RPH3AL: variants seen among roughly 807,000 people sequenced by gnomAD.
RPH3AL encodes the protein rab effector Noc2.
In RPH3AL, 38 loss-of-function variants were observed where a neutral mutation model predicts 43.1. That is an observed-to-expected ratio of 0.88 (90% CI 0.68 to 1.15). The LOEUF (loss-of-function observed/expected upper bound fraction) is 1.15. Among genes scored for constraint, RPH3AL ranks in the 50% most tolerant of loss-of-function variants. RPH3AL has a pLI of 0.00. For missense variants in RPH3AL, 462 were observed against 423.2 expected, an observed-to-expected ratio of 1.09 and a Z score of -0.81; for synonymous variants, 189 against 176.3, an observed-to-expected ratio of 1.07 and a Z score of -0.57.
chr17:349,618 T>C (rs1392576578), intron 1 of RPH3AL, among the ~76,000 whole-genome samples: 1 of 151,948 alleles, frequency 6.6e-6, no homozygotes. Context: ...GGCCAGGAGT[T>C]CGAGACCAAC....
intron 8 of RPH3AL, among the ~76,000 whole-genome samples, chr17:218,013 C>T (rs2040850872): frequency 1.5e-5 from 2 of 130,966 alleles, no homozygotes; most frequent in Admixed American, 7.5e-5. Flanking sequence ...TATTACAGAG[C>T]CCTTCTTCTG....
In RPH3AL at chr17:247,204, C is replaced by T; in HGVS notation, c.520G>A (p.Asp174Asn). Residue 174 changes from aspartate (D) to asparagine (N), a missense_variant, in exon 7 of 10, where the codon GAC becomes AAC. By Grantham distance (23) the Asp-to-Asn change is conservative. Transcript: ENST00000331302. ...LPLKTPGRADDPHFRPLPTEP... is the reference protein window; with the variant it reads ...LPLKTPGRADNPHFRPLPTEP... ...GTGGGCAAAGGTCGGAAGTGGGGGTCATCAGCTCGGCCAGGGGTCTTCAGG... is the reference window on the plus strand; with the variant it reads ...GTGGGCAAAGGTCGGAAGTGGGGGTTATCAGCTCGGCCAGGGGTCTTCAGG... 1 of 1,613,936 alleles carries T rather than the reference C, an allele frequency of 6.2e-7. No individual in the cohort carries two copies. Among genetic ancestry groups the T allele is most frequent in the Non-Finnish European group, 8.5e-7 (1 of 1,179,920 alleles).
intron 7 of RPH3AL, among the ~76,000 whole-genome samples, chr17:234,752 C>A (rs2041322577): frequency 6.6e-6 from 1 of 152,170 alleles, no homozygotes; most frequent in Non-Finnish European, 1.5e-5. Flanking sequence ...GTATATGTGA[C>A]AGAAATGGCA....
intron 2 of RPH3AL, chr17:332,557 C>T (rs2044808691): frequency 5.8e-6 from 1 of 172,602 alleles, no homozygotes; most frequent in Admixed American, 5.4e-5. Flanking sequence ...CCATTTAATT[C>T]AACTGTATTT....
chr17:283,950 A>G lies in RPH3AL; in HGVS notation c.352-2096T>C, dbSNP rs2042843310. 6.6e-6 allele frequency among the ~76,000 whole-genome samples: 1 copy of G among 152,162 alleles called. No individual in the cohort carries two copies. Among genetic ancestry groups the G allele is most frequent in the Admixed American group, 6.5e-5 (1 of 15,282 alleles). On this transcript the variant is annotated intron_variant, in intron 5 of 9. Transcript: ENST00000331302. The surrounding 1 kb of genome is among the most constrained non-coding windows in gnomAD (Gnocchi z 4.2). Reference sequence around the variant, plus strand: ...GGCCTCTCCTCTCTGGGTAAAGGGGAGAGGAAGCACTGATGCTACTTAGCT... The same window carrying G: ...GGCCTCTCCTCTCTGGGTAAAGGGGGGAGGAAGCACTGATGCTACTTAGCT...
At position 245,159 on chromosome 17, in the gene RPH3AL, A is replaced by G. The variant is rs2041721729; in HGVS notation, c.613+1952T>C. 7.1e-6 allele frequency among the ~76,000 whole-genome samples: 1 copy of G among 140,538 alleles called. No individual in the cohort carries two copies. The highest frequency in any genetic ancestry group is 2.7e-5 in the African/African-American group (1 of 37,154). The allele number at this position is 140,538 out of a possible 152,430, so 92.2% of individuals were successfully genotyped here. On this transcript the variant is annotated intron_variant, in intron 7 of 9. Coordinates refer to ENST00000331302, the MANE Select transcript of RPH3AL (RefSeq NM_006987.4). The surrounding 1 kb of genome is among the most constrained non-coding windows in gnomAD (Gnocchi z 5.9). ...TGTCCATGTGGATGTGTGTGTGCACATGGATGTGTCTGTGTGTACGTGGAT... is the reference window on the plus strand; with the variant it reads ...TGTCCATGTGGATGTGTGTGTGCACGTGGATGTGTCTGTGTGTACGTGGAT...
At chr17:253,037 G>A (rs77050237) in intron 6 of RPH3AL, among the ~76,000 whole-genome samples, 3,696 of 152,304 alleles carry the variant, frequency 0.024, 82 homozygotes, top group South Asian at 0.11. Flanking sequence ...TGTTTTTGGG[G>A]TGGGGACCTC....
chr17:241,721 C>CT (rs58397357), intron 7 of RPH3AL, among the ~76,000 whole-genome samples: 63,903 of 133,872 alleles, frequency 0.48, 15,644 homozygotes, highest in East Asian at 0.65. Context: ...CTTTTTTTTT[C>CT]TTTTTTTTTT....
chr17:311,617 G>A (rs1443909538), intron 5 of RPH3AL, among the ~76,000 whole-genome samples: 1 of 152,200 alleles, frequency 6.6e-6, no homozygotes, highest in African/African-American at 2.4e-5. Flanking sequence ...CCCCAACCCA[G>A]GATTGGCTCA....
chr17:322,538 C>G lies in RPH3AL; in HGVS notation c.78-1123G>C, dbSNP rs939689724. On this transcript the variant is annotated intron_variant, in intron 3 of 9. Coordinates refer to ENST00000331302, the MANE Select transcript of RPH3AL (RefSeq NM_006987.4). This position sits in a 1 kb window ranked among gnomAD's most constrained non-coding sequence, Gnocchi z 4.0. Reference sequence around the variant, plus strand: ...CCTCTTAGGTGCCCGGGACAGGCTGCTTGGTGGGACGTGCAGGTGGGGTCA... The same window carrying G: ...CCTCTTAGGTGCCCGGGACAGGCTGGTTGGTGGGACGTGCAGGTGGGGTCA... 6.6e-6 allele frequency: 1 copy of G among 152,168 alleles called. No homozygotes were observed. The highest frequency in any genetic ancestry group is 1.5e-5 in the Non-Finnish European group (1 of 68,058). The allele number at this position is 152,168 out of a possible 1,614,324, so 9.4% of individuals were successfully genotyped here.
At chr17:342,512 T>A (rs2045145680) in intron 1 of RPH3AL, among the ~76,000 whole-genome samples, 1 of 152,208 alleles carries the variant, frequency 6.6e-6, no homozygotes, top group Non-Finnish European at 1.5e-5. Flanking sequence ...CACAAAAGGA[T>A]ATTATTTGGC....
chr17:262,381 A>C (rs1431542904), intron 6 of RPH3AL, among the ~76,000 whole-genome samples: 1 of 152,004 alleles, frequency 6.6e-6, no homozygotes, highest in Non-Finnish European at 1.5e-5. Context: ...AGGCCCGGCT[A>C]ATTTTTGTAT....
intron 6 of RPH3AL, chr17:261,673 A>G (rs2042197267): frequency 6.6e-6 from 1 of 152,238 alleles, no homozygotes; most frequent in East Asian, 1.9e-4. Flanking sequence ...TATCAGCCAA[A>G]CTATCAACAC....
rs536654094 is a variant in RPH3AL, at chr17:283,343, G to C, written c.352-1489C>G. 6.6e-6 allele frequency among the ~76,000 whole-genome samples: 1 copy of C among 152,164 alleles called. No individual in the cohort carries two copies. On this transcript the variant is annotated intron_variant, in intron 5 of 9. Coordinates refer to ENST00000331302, the MANE Select transcript of RPH3AL (RefSeq NM_006987.4). The surrounding 1 kb of genome is among the most constrained non-coding windows in gnomAD (Gnocchi z 4.2). ...TCGGGTGGCCGAGCTCAGTGCCCCT[G>C]GGGTGGGGGAGCAAACTCACGGGGG... is the stretch of plus-strand genomic sequence containing the variant.
intron 7 of RPH3AL, among the ~76,000 whole-genome samples, chr17:221,900 TC>T (rs2040993980): frequency 1.0e-5 from 1 of 99,820 alleles, no homozygotes; most frequent in Admixed American, 9.6e-5. Context: ...GCACATCAGC[TC>T]TGAGGCCTCC....
At chr17:252,455 T>G (rs1402774119) in intron 6 of RPH3AL, among the ~76,000 whole-genome samples, 3 of 152,164 alleles carry the variant, frequency 2.0e-5, no homozygotes, top group African/African-American at 7.2e-5. Flanking sequence ...TTTTGTTTTT[T>G]TGAAAACTAG....
chr17:309,347 A>AG, intron 5 of RPH3AL, among the ~76,000 whole-genome samples: 1 of 152,136 alleles, frequency 6.6e-6, no homozygotes, highest in Non-Finnish European at 1.5e-5. Context: ...CTCGAGTCCC[A>AG]GATACCAAAC....
intron 6 of RPH3AL, among the ~76,000 whole-genome samples, chr17:269,877 C>T (rs1186364650): frequency 6.6e-6 from 1 of 152,180 alleles, no homozygotes. Context: ...GGTAGACGCC[C>T]CAGGCAAGGG....
chr17:265,284 T>A (rs573422655), intron 6 of RPH3AL, among the ~76,000 whole-genome samples: 1 of 152,250 alleles, frequency 6.6e-6, no homozygotes, highest in South Asian at 2.1e-4. Flanking sequence ...TTAAGAGAGA[T>A]GAGATTTCGC....
Sources: allele counts gnomAD v4.1 joint callset (sites outside exome capture counted in the v4.1 genomes callset), GRCh38; gene constraint gnomAD v4.1.1; non-coding constraint Gnocchi (gnomAD v3.1); transcripts MANE v1.5; gene names NCBI Gene and HGNC (gene_info 2026-07-23, HGNC 2026-07-21).